Variants in RANBP2 observed in about 807,000 individuals in gnomAD.
The protein encoded by RANBP2 is E3 SUMO-protein ligase RanBP2.
In RANBP2, 57 loss-of-function variants were observed where a neutral mutation model predicts 303.6. That is an observed-to-expected ratio of 0.19 (90% CI 0.15 to 0.23). RANBP2 has a LOEUF of 0.23. Among genes scored for constraint, RANBP2 ranks in the 10% least tolerant of loss-of-function variants. RANBP2 has a pLI of 1.00. For missense variants in RANBP2, 3,138 were observed against 3,780.8 expected (o/e 0.83, Z 4.46); for synonymous variants, 1,167 against 1,301.5 (o/e 0.90, Z 2.23).
chr2:108,903,085 G>A, the RANBP2 span, among the ~76,000 whole-genome samples: 1 of 152,126 alleles, frequency 6.6e-6, no homozygotes, highest in Non-Finnish European at 1.5e-5. Context: ...AAAATCAATT[G>A]TATTTCTATA....
At chr2:108,791,936 G>C in the RANBP2 span, 47 of 896,510 alleles carry the variant, frequency 5.2e-5, no homozygotes, top group Non-Finnish European at 6.8e-5. Flanking sequence ...TGTAAGCTAG[G>C]AGATAGTTAC....
the RANBP2 span, chr2:108,929,066 A>C: frequency 9.3e-7 from 1 of 1,071,082 alleles, no homozygotes; most frequent in Non-Finnish European, 1.4e-6. Flanking sequence ...GTGGGATGGG[A>C]CCAAGGCCAG....
chr2:109,241,421 A>G, the RANBP2 span, among the ~76,000 whole-genome samples: 5 of 152,092 alleles, frequency 3.3e-5, no homozygotes, highest in Non-Finnish European at 7.3e-5. Flanking sequence ...CATTGGGGGA[A>G]AAAATGGCTG....
At chr2:108,840,685 T>C in the RANBP2 span, among the ~76,000 whole-genome samples, 3 of 152,224 alleles carry the variant, frequency 2.0e-5, no homozygotes, top group Admixed American at 6.5e-5. Flanking sequence ...CTTCTTGATA[T>C]GGATAATTTG....
the RANBP2 span, among the ~76,000 whole-genome samples, chr2:109,055,366 C>CTTTTTCTTTTTCTTT: frequency 3.1e-4 from 42 of 133,442 alleles, no homozygotes; most frequent in African/African-American, 1.1e-3. Flanking sequence ...TTTTTCTTTT[C>CTTTTTCTTTTTCTTT]TTTTTTTTTT....
chr2:109,200,181 A>G, the RANBP2 span, among the ~76,000 whole-genome samples: 5 of 152,142 alleles, frequency 3.3e-5, no homozygotes, highest in Non-Finnish European at 5.9e-5. Flanking sequence ...CTAGTTTACA[A>G]GAGAACAGAA....
chr2:108,798,816 TACACACACAC>T, the RANBP2 span, among the ~76,000 whole-genome samples: 1,790 of 131,636 alleles, frequency 0.014, 47 homozygotes, highest in African/African-American at 0.048. Context: ...TCTCCACACC[TACACACACAC>T]ACACACACAC....
At chr2:109,147,022 G>A in the RANBP2 span, among the ~76,000 whole-genome samples, 1 of 151,536 alleles carries the variant, frequency 6.6e-6, no homozygotes, top group Admixed American at 6.6e-5. Flanking sequence ...GATGTCTCAG[G>A]CTTTCTCCTA....
At chr2:109,382,733 G>A in the RANBP2 span, among the ~76,000 whole-genome samples, 1 of 152,200 alleles carries the variant, frequency 6.6e-6, no homozygotes, top group African/African-American at 2.4e-5. Flanking sequence ...GGCGAGAGAT[G>A]CAGCCAAGCC....
At chr2:109,432,461 G>A in the RANBP2 span, 1 of 1,608,438 alleles carries the variant, frequency 6.2e-7, no homozygotes, top group Non-Finnish European at 8.5e-7. Flanking sequence ...CTATCCCCAG[G>A]AGGGCTCCCA....
chr2:108,740,831 A>G, intron 7 of RANBP2, 150 bp downstream of exon 7: 1 of 1,355,714 alleles, frequency 7.4e-7, no homozygotes, highest in Non-Finnish European at 1.0e-6. Flanking sequence ...GAAAATAACT[A>G]AGCATACACA....
the RANBP2 span, among the ~76,000 whole-genome samples, chr2:109,146,032 C>T: frequency 2.0e-4 from 31 of 152,194 alleles, no homozygotes; most frequent in Non-Finnish European, 4.0e-4. Flanking sequence ...TGTGGGCCGA[C>T]GGAGTCCATG....
the RANBP2 span, chr2:108,878,556 C>CA: frequency 7.6e-4 from 158 of 207,998 alleles, 3 homozygotes; most frequent in East Asian, 0.017. Context: ...ACCATCTGGA[C>CA]AGTCAGATAT....
the RANBP2 span, among the ~76,000 whole-genome samples, chr2:109,471,927 A>G: frequency 2.6e-5 from 4 of 152,206 alleles, no homozygotes; most frequent in Non-Finnish European, 4.4e-5. Context: ...TGTGAACAGC[A>G]GTTCATGTAA....
At chr2:109,506,121 T>A in the RANBP2 span, among the ~76,000 whole-genome samples, 1 of 152,180 alleles carries the variant, frequency 6.6e-6, no homozygotes, top group South Asian at 2.1e-4. Context: ...GGGCATTATC[T>A]GAACAGTAGT....
At chr2:109,420,514 C>T in the RANBP2 span, among the ~76,000 whole-genome samples, 5 of 152,116 alleles carry the variant, frequency 3.3e-5, no homozygotes, top group East Asian at 1.9e-4. Context: ...GGCGCGATCC[C>T]GGCTCACTGC....
chr2:109,570,378 A>G, the RANBP2 span, among the ~76,000 whole-genome samples: 2 of 152,194 alleles, frequency 1.3e-5, no homozygotes, highest in African/African-American at 4.8e-5. Context: ...CCCCCTCATC[A>G]TCTGTGGGTT....
chr2:109,640,047 A>G, the RANBP2 span, among the ~76,000 whole-genome samples: 1 of 151,558 alleles, frequency 6.6e-6, no homozygotes, highest in South Asian at 2.1e-4. Context: ...AACCCAAGTA[A>G]CTTCCTTCTC....
At chr2:109,525,215 C>T in the RANBP2 span, among the ~76,000 whole-genome samples, 10 of 151,902 alleles carry the variant, frequency 6.6e-5, no homozygotes, top group Admixed American at 1.3e-4. Context: ...AGTGCAGTGA[C>T]GCGGTCTTGG....
Sources: gnomAD v4.1 joint callset for allele counts (sites outside exome capture counted in the v4.1 genomes callset) on GRCh38, gnomAD v4.1.1 for gene constraint, MANE v1.5 for transcripts, NCBI Gene and HGNC (gene_info 2026-07-23, HGNC 2026-07-21) for gene names.